Variants in PROCA1 observed in about 807,000 individuals in gnomAD.
PROCA1 encodes the protein protein interacting with cyclin A1, also known as protein PROCA1.
In PROCA1, 22 loss-of-function variants were observed where a neutral mutation model predicts 23.2. The observed-to-expected ratio is 0.95, with a 90% CI of 0.68 to 1.35. The LOEUF (loss-of-function observed/expected upper bound fraction) is 1.35. Ranked by LOEUF, PROCA1 falls within the 40% of genes most tolerant of loss-of-function variation. The probability of loss-of-function intolerance (pLI) is 0.00; values close to 1 mark genes in which losing one functional copy is unlikely to be tolerated. For synonymous variants in PROCA1, 182 were observed against 179.2 expected, an observed-to-expected ratio of 1.02 and a Z score of -0.12; for missense variants, 469 against 459.8, an observed-to-expected ratio of 1.02 and a Z score of -0.18.
Position 28,704,845 on chromosome 17 carries a change from T to G in PROCA1, c.176-2A>C. 1 of 1,611,994 alleles carries G rather than the reference T, an allele frequency of 6.2e-7. No individual in the cohort carries two copies. ...ACTTGTCAGGCTCCTTGCAGTCACC[T>G]GAGGGGGCAGGAGTCTGGGTCATCA... On this transcript the variant is annotated splice_acceptor_variant, in intron 2 of 4. Transcript: ENST00000682792. LOFTEE classifies it high-confidence loss of function.
At chr17:28,705,417 C>G (rs2032424042) in intron 2 of PROCA1, 1 of 153,838 alleles carries the variant, frequency 6.5e-6, no homozygotes, top group Admixed American at 6.5e-5. Context: ...TTTCTCACTC[C>G]CCTCCCTTCC....
rs150328148 is a variant in PROCA1 at position 28,704,347 on chromosome 17, T to C, written c.400A>G (p.Thr134Ala). ...CGCTCCACATGCTCCTCCTCCGGTG[T>C]GAGCTCAAAGCAAGGGGACTCGATG... ...HVIESPCFELTPEEEHVERFR... is the reference protein window; with the variant it reads ...HVIESPCFELAPEEEHVERFR... Residue 134 changes from threonine (T) to alanine (A), a missense_variant, in exon 4 of 5, where the codon ACA becomes GCA. Thr to Ala is a moderately conservative substitution (Grantham distance 58). Transcript: ENST00000682792. 124 of 1,613,060 alleles carry C rather than the reference T, an allele frequency of 7.7e-5. No individual in the cohort carries two copies. In the East Asian group the frequency reaches 2.6e-3, roughly 34 times the overall value.
chr17:28,711,481 T>A, intron 1 of PROCA1, 89 bp downstream of exon 1: 1 of 1,112,118 alleles, frequency 9.0e-7, no homozygotes, highest in East Asian at 2.7e-5. Context: ...CCCGTCTCCC[T>A]CGTCGGTTTG....
Position 28,711,831 on chromosome 17 carries a change from G to A in PROCA1, c.-171C>T. 1 of 558,140 alleles carries A rather than the reference G, an allele frequency of 1.8e-6. No homozygotes were observed. Among genetic ancestry groups the A allele is most frequent in the Non-Finnish European group, 3.1e-6 (1 of 325,964 alleles). The allele number at this position is 558,140 out of a possible 1,614,324, so 34.6% of individuals were successfully genotyped here. On this transcript the variant is annotated 5_prime_UTR_variant, in exon 1 of 5. Coordinates refer to ENST00000682792, the MANE Select transcript of PROCA1 (RefSeq NM_001366301.1). Reference sequence around the variant, plus strand: ...CAGCCCCCGCCGGCCTCCCCAGCCCGGCTCCAGGCTGCGTAGTCTTCCCAG... The same window carrying A: ...CAGCCCCCGCCGGCCTCCCCAGCCCAGCTCCAGGCTGCGTAGTCTTCCCAG...
Position 28,711,612 on chromosome 17 carries a change from T to A in PROCA1, c.49A>T (p.Thr17Ser). The stretch of plus-strand genomic sequence containing the variant: ...TCCCACGAGCGGGCCTTGGGCTCGG[T>A]CTTTTCCTTAGTCCATCTTTCAATT... ...LTIERWTKEK[T>S]EPKARSWDES... The change falls in exon 1 of 5, where the codon ACC becomes TCC. Residue 17 changes from threonine (T) to serine (S), a missense_variant. Coordinates refer to ENST00000682792, the MANE Select transcript of PROCA1 (RefSeq NM_001366301.1). The A allele has an allele frequency of 1.2e-6, 2 of 1,612,102 alleles. No homozygotes were observed. Among genetic ancestry groups the A allele is most frequent in the South Asian group, 1.1e-5 (1 of 90,964 alleles).
At chr17:28,711,332 G>A (rs2032771306) in intron 1 of PROCA1, 3 of 561,112 alleles carry the variant, frequency 5.3e-6, no homozygotes, top group Non-Finnish European at 8.8e-6. Flanking sequence ...CATCCCGCGG[G>A]CGACCCAGCA....
intron 1 of PROCA1, among the ~76,000 whole-genome samples, chr17:28,710,587 G>A (rs2151690978): frequency 6.6e-6 from 1 of 151,704 alleles, no homozygotes; most frequent in South Asian, 2.1e-4. Flanking sequence ...CCCAGAGCTC[G>A]GACACCCATC....
Position 28,711,834 on chromosome 17 carries a change from T to C in PROCA1, c.-174A>G. On this transcript the variant is annotated 5_prime_UTR_variant, in exon 1 of 5. Coordinates refer to ENST00000682792, the MANE Select transcript of PROCA1 (RefSeq NM_001366301.1). Reference sequence around the variant, plus strand: ...CCCCCGCCGGCCTCCCCAGCCCGGCTCCAGGCTGCGTAGTCTTCCCAGCTG... The same window carrying C: ...CCCCCGCCGGCCTCCCCAGCCCGGCCCCAGGCTGCGTAGTCTTCCCAGCTG... 1 of 556,102 alleles carries C rather than the reference T, an allele frequency of 1.8e-6. No individual in the cohort carries two copies. The highest frequency in any genetic ancestry group is 3.9e-5 in the Admixed American group (1 of 25,856). The allele number at this position is 556,102 out of a possible 1,614,324, so 34.4% of individuals were successfully genotyped here. A position where few individuals can be genotyped will look rare whatever the true frequency, so the allele number is the denominator to read the frequency against.
rs1422065710 is a variant in PROCA1, at chr17:28,706,766, G to A, written c.92-3C>T. The A allele has an allele frequency of 2.3e-6, 3 of 1,303,456 alleles. No homozygotes were observed. Among genetic ancestry groups the A allele is most frequent in the African/African-American group, 3.0e-5 (2 of 65,660 alleles). 80.7% of individuals were successfully genotyped at this position (1,303,456 alleles called of 1,614,324 possible). On this transcript the variant is annotated splice_polypyrimidine_tract_variant and splice_region_variant and intron_variant, in intron 1 of 4. Coordinates refer to ENST00000682792, the MANE Select transcript of PROCA1 (RefSeq NM_001366301.1). ...CCAGCTGGGTAACCTGTTTACATCT[G>A]AGAGAGCATAGAGTGGCAGTGGTGG... is the stretch of plus-strand genomic sequence containing the variant.
chr17:28,709,696 T>C (rs2032690398), intron 1 of PROCA1, among the ~76,000 whole-genome samples: 1 of 151,856 alleles, frequency 6.6e-6, no homozygotes, highest in Non-Finnish European at 1.5e-5. Flanking sequence ...CAGCTCCATA[T>C]GCAAAACCTG....
At chr17:28,711,201 G>T (rs2032763871) in intron 1 of PROCA1, 2 of 1,138,258 alleles carry the variant, frequency 1.8e-6, no homozygotes, top group Admixed American at 7.9e-5. Context: ...CCGGCGTCCG[G>T]GTGGGCGCTG....
chr17:28,704,925 A>C, intron 2 of PROCA1, 82 bp from the exon 3 acceptor site: 1 of 1,357,756 alleles, frequency 7.4e-7, no homozygotes, highest in Non-Finnish European at 1.0e-6. Flanking sequence ...ACCTCACCAA[A>C]TTCACCTGCC....
intron 1 of PROCA1, among the ~76,000 whole-genome samples, chr17:28,710,069 C>T (rs763215854): frequency 1.3e-5 from 2 of 152,114 alleles, no homozygotes; most frequent in African/African-American, 2.4e-5. Flanking sequence ...ACCAATTCCT[C>T]ACCCTCTGGT....
In PROCA1 at chr17:28,704,807, T is replaced by G. The variant is rs1326635152; in HGVS notation, c.212A>C (p.His71Pro). 2 of 1,613,346 alleles carry G rather than the reference T, an allele frequency of 1.2e-6. No individual in the cohort carries two copies. Among genetic ancestry groups the G allele is most frequent in the African/African-American group, 1.3e-5 (1 of 74,902 alleles). ...CKEPDKCCWR[H>P]KQCTGHIIYP... is the part of the protein sequence containing the mutation. The stretch of plus-strand genomic sequence containing the variant: ...GATGATGTGCCCAGTGCACTGCTTG[T>G]GTCTCCAGCAGCACTTGTCAGGCTC... The change falls in exon 3 of 5, where the codon CAC (histidine) becomes CCC (proline). Residue 71 changes from histidine (H) to proline (P), a missense_variant. Coordinates refer to ENST00000682792, the MANE Select transcript of PROCA1 (RefSeq NM_001366301.1).
Position 28,708,198 on chromosome 17 carries a change from C to A in PROCA1, c.92-1435G>T, listed in dbSNP as rs190375756. Among the ~76,000 whole-genome samples the A allele has an allele frequency of 5.3e-5, 8 of 152,160 alleles. No homozygotes were observed. The South Asian group carries it at 1.7e-3, about 32-fold the overall frequency. ...CTAATTTTTGTATTTTTAGTAGAGA[C>A]GGGGTTTCACCATGTTGGACAGGCT... On this transcript the variant is annotated intron_variant, in intron 1 of 4. Transcript: ENST00000682792.
rs998310104 is a variant in PROCA1 at position 28,704,414 on chromosome 17, A to G, written c.333T>C (p.Asp111=). ...GGCCCGCGCCCCGGGAGCTGCTGCTATCCTCTGAAGAGTCCTTCAGCCTGC... is the reference window on the plus strand; with the variant it reads ...GGCCCGCGCCCCGGGAGCTGCTGCTGTCCTCTGAAGAGTCCTTCAGCCTGC... ...CNSRLKDSSE[D]SSSSRGAGPT... The change falls in exon 4 of 5, where the codon GAT becomes GAC. Residue 111 remains aspartate (D), a synonymous_variant. Transcript: ENST00000682792. 5 of 1,613,370 alleles carry G rather than the reference A, an allele frequency of 3.1e-6. No homozygotes were observed. The highest frequency in any genetic ancestry group is 1.7e-5 in the Admixed American group (1 of 59,966).
rs377031681 is a variant in PROCA1 at position 28,703,833 on chromosome 17, C to T, written c.820G>A (p.Glu274Lys). The change falls in exon 5 of 5, where the codon GAG (glutamate) becomes AAG (lysine). Residue 274 changes from glutamate to lysine, a missense_variant. Coordinates refer to ENST00000682792, the MANE Select transcript of PROCA1 (RefSeq NM_001366301.1). ...LTKKKSPVKL[E>K]PSPPDVSRSL... ...CGGCTCACGTCTGGCGGGGAAGGCTCCAATTTAACCGGGCTTTTCTTCTTA... is the reference window on the plus strand; with the variant it reads ...CGGCTCACGTCTGGCGGGGAAGGCTTCAATTTAACCGGGCTTTTCTTCTTA... 1.8e-5 allele frequency: 29 copies of T among 1,614,056 alleles called. No homozygotes were observed. The highest frequency in any genetic ancestry group is 2.3e-5 in the Non-Finnish European group (27 of 1,180,044).
Position 28,711,626 on chromosome 17 carries a change from C to G in PROCA1, c.35G>C (p.Trp12Ser). The change falls in exon 1 of 5, where the codon TGG becomes TCG. Residue 12 changes from tryptophan (W) to serine (S), a missense_variant. Coordinates refer to ENST00000682792, the MANE Select transcript of PROCA1 (RefSeq NM_001366301.1). ...WVRTTLTIER[W>S]TKEKTEPKAR... is the part of the protein sequence containing the mutation. Reference sequence around the variant, plus strand: ...CTTGGGCTCGGTCTTTTCCTTAGTCCATCTTTCAATTGTGAGCGTCGTCCT... The same window carrying G: ...CTTGGGCTCGGTCTTTTCCTTAGTCGATCTTTCAATTGTGAGCGTCGTCCT... 6.2e-7 allele frequency: 1 copy of G among 1,612,732 alleles called. No homozygotes were observed. Among genetic ancestry groups the G allele is most frequent in the Non-Finnish European group, 8.5e-7 (1 of 1,179,612 alleles).
chr17:28,711,169 G>T, intron 1 of PROCA1: 1 of 1,170,476 alleles, frequency 8.5e-7, no homozygotes, highest in Non-Finnish European at 1.1e-6. Context: ...CCTCAGGGTC[G>T]ATGGAACCGC....
Sources: allele counts gnomAD v4.1 joint callset (sites outside exome capture counted in the v4.1 genomes callset), GRCh38; gene constraint gnomAD v4.1.1; transcripts MANE v1.5; gene names NCBI Gene and HGNC (gene_info 2026-07-23, HGNC 2026-07-21).